The following ATG16L2 variants were observed in gnomAD, a reference collection of about 807,000 sequenced individuals.
ATG16L2 encodes autophagy related 16 like 2.
A neutral mutation model predicts 84.7 loss-of-function variants in ATG16L2; 77 were observed. The ratio of observed to expected loss-of-function variants is 0.91; its 90% CI spans 0.76 to 1.10. ATG16L2 has a LOEUF of 1.10. Ranked by LOEUF, ATG16L2 falls within the 50% of genes least tolerant of loss-of-function variation. ATG16L2 has a pLI of 0.00. For missense variants in ATG16L2, 782 were observed against 817.6 expected (o/e 0.96, Z 0.53); for synonymous variants, 361 against 342.8 (o/e 1.05, Z -0.59).
intron 8 of ATG16L2, 35 bp from the exon 9 acceptor site, chr11:72,824,699 G>A (rs577218554): frequency 1.2e-5 from 18 of 1,536,690 alleles, no homozygotes; most frequent in Non-Finnish European, 1.6e-5. Context: ...AGGACTTGCT[G>A]AATGCCCTCC....
chr11:72,824,288 C>G, intron 8 of ATG16L2, 166 bp downstream of exon 8: 1 of 762,100 alleles, frequency 1.3e-6, no homozygotes, highest in Non-Finnish European at 2.2e-6. Flanking sequence ...GCCTCAGCCC[C>G]GGCCCCGGTT....
At position 72,822,311 on chromosome 11, in the gene ATG16L2, C is replaced by T. The variant is rs1345358591; in HGVS notation, c.644+16C>T. On this transcript the variant is annotated intron_variant, in intron 5 of 17. Transcript: ENST00000321297. The surrounding 1 kb of genome is among the most constrained non-coding windows in gnomAD (Gnocchi z 4.2). The stretch of plus-strand genomic sequence containing the variant: ...GCCGGGAGCGGTGAGGGAGCAGGCC[C>T]CGCCCCTCCTGAGGAAAGGCCCCGC... 6.6e-7 allele frequency: 1 copy of T among 1,520,126 alleles called. No homozygotes were observed. 94.2% of individuals were successfully genotyped at this position (1,520,126 alleles called of 1,614,324 possible).
At chr11:72,836,223 G>A (rs546854689) in intron 5 of ATG16L2, among the ~76,000 whole-genome samples, 7 of 152,232 alleles carry the variant, frequency 4.6e-5, no homozygotes, top group Non-Finnish European at 8.8e-5. Flanking sequence ...AAGCCAGGGG[G>A]ACTCAGCCTT....
chr11:72,829,191 A>G (rs1860535163), intron 17 of ATG16L2, 112 bp from the exon 18 acceptor site: 3 of 1,253,308 alleles, frequency 2.4e-6, no homozygotes, highest in Admixed American at 2.2e-5. Flanking sequence ...ACAGATGAGG[A>G]AACAGGCTCA....
downstream of ATG16L2, chr11:72,829,764 T>G: frequency 7.2e-6 from 3 of 416,754 alleles, no homozygotes; most frequent in East Asian, 1.3e-4. Context: ...AGTCTCTGCC[T>G]GCAGAGACAG....
At chr11:72,826,634 C>G in intron 12 of ATG16L2, 45 bp downstream of exon 12, 1 of 1,614,098 alleles carries the variant, frequency 6.2e-7, no homozygotes. Context: ...GAGGTCATAC[C>G]TCAGGACTAG....
chr11:72,818,048 G>A (rs190354024), intron 3 of ATG16L2, 193 bp downstream of exon 3: 653 of 584,746 alleles, frequency 1.1e-3, no homozygotes, highest in Non-Finnish European at 1.7e-3. Flanking sequence ...AGGATGAAGT[G>A]GGCTCCAACA....
exon 6 of ATG16L2, chr11:72,843,599 T>C: frequency 4.1e-6 from 4 of 980,004 alleles, no homozygotes; most frequent in Non-Finnish European, 6.4e-6. Flanking sequence ...GAGCTGATCA[T>C]GACAAAAACT....
At chr11:72,832,933 A>G (rs1439437294), downstream of ATG16L2, among the ~76,000 whole-genome samples, 1 of 152,224 alleles carries the variant, frequency 6.6e-6, no homozygotes, top group Non-Finnish European at 1.5e-5. Context: ...TCCTGCCCCA[A>G]GCCTCCCCAA....
At chr11:72,814,596 C>T in intron 1 of ATG16L2, 33 bp downstream of exon 1, 1 of 1,509,364 alleles carries the variant, frequency 6.6e-7, no homozygotes, top group Non-Finnish European at 9.0e-7. Flanking sequence ...AGGATGGCGG[C>T]TGAGGGGACG....
chr11:72,829,546 A>T lies in ATG16L2; in HGVS notation c.*156A>T. 1 of 1,408,948 alleles carries T rather than the reference A, an allele frequency of 7.1e-7. No homozygotes were observed. The allele number at this position is 1,408,948 out of a possible 1,614,324, so 87.3% of individuals were successfully genotyped here. On this transcript the variant is annotated 3_prime_UTR_variant, in exon 18 of 18. Coordinates refer to ENST00000321297, the MANE Select transcript of ATG16L2 (RefSeq NM_033388.2). The stretch of plus-strand genomic sequence containing the variant: ...TGGCCTGTTTGTTTAAAAATGAAGT[A>T]TGGGTTGGGGGATTACGCTAGTTTT...
intron 5 of ATG16L2, chr11:72,837,521 T>C (rs2135140786): frequency 6.6e-6 from 1 of 151,172 alleles, no homozygotes; most frequent in Middle Eastern, 3.5e-3. Context: ...CTAGGTATTG[T>C]GCTCCCTACC....
intron 4 of ATG16L2, 30 bp downstream of exon 4, chr11:72,821,771 G>C (rs1457588841): frequency 1.3e-6 from 2 of 1,528,858 alleles, no homozygotes; most frequent in East Asian, 4.9e-5. Context: ...GGGAGGGACC[G>C]CGCCCACCTC....
At chr11:72,821,124 T>G in intron 3 of ATG16L2, 1 of 700,000 alleles carries the variant, frequency 1.4e-6, no homozygotes, top group Non-Finnish European at 1.8e-6. Context: ...GTAGGTGGCT[T>G]GTGCCCAAAT....
chr11:72,814,475 C>T lies in ATG16L2; in HGVS notation c.30C>T (p.Pro10=). The part of the protein sequence containing the change: MAGPGVPGA[P]AARWKRHIVR... ...CGGGGCCGGGCGTCCCCGGTGCCCC[C>T]GCAGCGCGCTGGAAACGCCACATCG... Residue 10 remains proline (P), a synonymous_variant, in exon 1 of 18, where the codon CCC becomes CCT. Transcript: ENST00000321297. The T allele has an allele frequency of 1.3e-6, 2 of 1,520,278 alleles. No individual in the cohort carries two copies. Among genetic ancestry groups the T allele is most frequent in the Non-Finnish European group, 1.8e-6 (2 of 1,129,950 alleles). The allele number at this position is 1,520,278 out of a possible 1,614,324, so 94.2% of individuals were successfully genotyped here.
intron 7 of ATG16L2, chr11:72,823,829 C>T: frequency 1.5e-6 from 1 of 671,630 alleles, no homozygotes; most frequent in Non-Finnish European, 2.8e-6. Flanking sequence ...CAGTTCTTCC[C>T]ATCATGAGGG....
chr11:72,828,924 C>T lies in ATG16L2; in HGVS notation c.1712C>T (p.Ala571Val), dbSNP rs1265278938. Residue 571 changes from alanine to valine, a missense_variant, in exon 17 of 18, where the codon GCC (alanine) becomes GTC (valine). Coordinates refer to ENST00000321297, the MANE Select transcript of ATG16L2 (RefSeq NM_033388.2). ...GCACTGGCAGGCTCCTGTGATGGGG[C>T]CCTTTACATCTGGGATGTGGACACC... Reference protein sequence around the residue: ...SYALAGSCDGALYIWDVDTGK... With the variant: ...SYALAGSCDGVLYIWDVDTGK... The T allele has an allele frequency of 6.2e-7, 1 of 1,614,162 alleles. No homozygotes were observed. The highest frequency in any genetic ancestry group is 1.1e-5 in the South Asian group (1 of 91,084).
chr11:72,831,233 G>A (rs1391012042), downstream of ATG16L2, among the ~76,000 whole-genome samples: 1 of 152,248 alleles, frequency 6.6e-6, no homozygotes, highest in East Asian at 1.9e-4. Context: ...CAGGCTGGAT[G>A]CGGTGGCTCA....
chr11:72,834,366 G>C (rs1420578331), downstream of ATG16L2, among the ~76,000 whole-genome samples: 1 of 152,184 alleles, frequency 6.6e-6, no homozygotes, highest in Non-Finnish European at 1.5e-5. Context: ...GGATGCAGTT[G>C]CAATCTAGAG....
Sources: allele counts gnomAD v4.1 joint callset (sites outside exome capture counted in the v4.1 genomes callset), GRCh38; gene constraint gnomAD v4.1.1; non-coding constraint Gnocchi (gnomAD v3.1); transcripts MANE v1.5; gene names NCBI Gene and HGNC (gene_info 2026-07-23, HGNC 2026-07-21).